TUSC3: variants seen among roughly 807,000 people sequenced by gnomAD.
TUSC3 encodes dolichyl-diphosphooligosaccharide--protein glycosyltransferase subunit TUSC3.
In TUSC3, 45 loss-of-function variants were observed where a neutral mutation model predicts 44.8. The ratio of observed to expected loss-of-function variants is 1.00; its 90% CI spans 0.79 to 1.29. The LOEUF (loss-of-function observed/expected upper bound fraction) is 1.29, where lower values mean the gene tolerates loss of function less well. TUSC3 is among the 50% of genes most tolerant of loss of function. TUSC3 has a pLI of 0.00. For missense variants in TUSC3, 519 were observed against 437.9 expected (o/e 1.19, Z -1.65); for synonymous variants, 212 against 152.9 (o/e 1.39, Z -2.85).
At chr8:15,423,586 C>T (rs1799764332) in intron 1 of TUSC3, among the ~76,000 whole-genome samples, 1 of 152,148 alleles carries the variant, frequency 6.6e-6, no homozygotes, top group African/African-American at 2.4e-5. Flanking sequence ...TTAATTCTTA[C>T]TCGATTTTTC....
At chr8:15,423,862 C>T (rs973552948) in intron 1 of TUSC3, among the ~76,000 whole-genome samples, 1 of 151,120 alleles carries the variant, frequency 6.6e-6, no homozygotes, top group African/African-American at 2.4e-5. Flanking sequence ...GTTTGTTTCT[C>T]TATTGAGAGA....
chr8:15,773,434 G>A, the TUSC3 span, among the ~76,000 whole-genome samples: 1 of 146,364 alleles, frequency 6.8e-6, no homozygotes, highest in Non-Finnish European at 1.6e-5. Flanking sequence ...AAACATTGCT[G>A]AAAGAAGTTA....
intron 1 of TUSC3, among the ~76,000 whole-genome samples, chr8:15,570,837 A>G (rs147655274): frequency 0.014 from 2,183 of 152,064 alleles, 17 homozygotes; most frequent in Non-Finnish European, 0.022. Flanking sequence ...GAGTGAATGC[A>G]TACCTCTGGG....
At chr8:15,604,045 A>T (rs1228348475) in intron 1 of TUSC3, among the ~76,000 whole-genome samples, 2 of 151,710 alleles carry the variant, frequency 1.3e-5, no homozygotes, top group African/African-American at 4.8e-5. Flanking sequence ...TATTAATATG[A>T]TGGGGTGCCC....
chr8:15,743,890 A>G (rs1363698171), intron 8 of TUSC3, among the ~76,000 whole-genome samples: 2 of 152,122 alleles, frequency 1.3e-5, no homozygotes, highest in African/African-American at 4.8e-5. Flanking sequence ...CTGAAGCCAT[A>G]GTCTTGGTTG....
At chr8:15,837,125 G>C in the TUSC3 span, among the ~76,000 whole-genome samples, 1 of 152,218 alleles carries the variant, frequency 6.6e-6, no homozygotes, top group Middle Eastern at 3.4e-3. Context: ...TGCTGGCAGT[G>C]TATGCTGTAG....
At chr8:15,499,013 CT>C (rs199873385) in intron 2 of TUSC3, among the ~76,000 whole-genome samples, 15 of 151,212 alleles carry the variant, frequency 9.9e-5, no homozygotes, top group African/African-American at 2.9e-4. Context: ...TTATTTTTTT[CT>C]TTTTTTTTCT....
In TUSC3 at chr8:15,754,779, T is replaced by C. The variant is rs1224385373; in HGVS notation, c.1029-3012T>C. Among the ~76,000 whole-genome samples, 3 of 137,532 alleles carry C rather than the reference T, an allele frequency of 2.2e-5. No homozygotes were observed. The East Asian group carries it at 6.3e-4, about 29-fold the overall frequency. 90.2% of individuals were successfully genotyped at this position (137,532 alleles called of 152,430 possible). A position where few individuals can be genotyped will look rare whatever the true frequency, so the allele number is the denominator to read the frequency against. ...TTTATGTACAGAACCGTGATCATAATTGTCTTTAAACTAATTTTTTTTACA... is the reference window on the plus strand; with the variant it reads ...TTTATGTACAGAACCGTGATCATAACTGTCTTTAAACTAATTTTTTTTACA... On this transcript the variant is annotated intron_variant, in intron 9 of 10. Transcript: ENST00000503731.
intron 1 of TUSC3, among the ~76,000 whole-genome samples, chr8:15,461,727 AG>A (rs1800348226): frequency 6.6e-6 from 1 of 151,802 alleles, no homozygotes; most frequent in Non-Finnish European, 1.5e-5. Flanking sequence ...AATTTTGCTA[AG>A]AGTTTTAATC....
rs111261509 is a variant in TUSC3, at chr8:15,764,382, A to G, written c.*226A>G. 3 of 686,458 alleles carry G rather than the reference A, an allele frequency of 4.4e-6. No individual in the cohort carries two copies. Among genetic ancestry groups the G allele is most frequent in the East Asian group, 3.0e-5 (1 of 32,962 alleles). The allele number at this position is 686,458 out of a possible 1,614,324, so 42.5% of individuals were successfully genotyped here. ...TAGTAAATTTAATTTACAGAAATCA[A>G]TGGTAGCATTTAGTAATCTACAAAG... On this transcript the variant is annotated 3_prime_UTR_variant, in exon 11 of 11. Transcript: ENST00000503731.
chr8:15,683,697 T>A (rs1808513189), intron 6 of TUSC3, among the ~76,000 whole-genome samples: 1 of 152,184 alleles, frequency 6.6e-6, no homozygotes, highest in Non-Finnish European at 1.5e-5. Context: ...CTTTGGATAT[T>A]ACAAAACACT....
rs529240315 is a variant in TUSC3, at chr8:15,445,952, T to C, written n.91+28647T>C. ...ACGGGGCGGCTGGCCGGACGGGGGC[T>C]GCCCCCCACCTCGCGGATGGGGCAG... On this transcript the variant is annotated intron_variant and non_coding_transcript_variant, in intron 1 of 5. Coordinates refer to the TUSC3 transcript ENST00000503191. Among the ~76,000 whole-genome samples, 310 of 145,836 alleles carry C rather than the reference T, an allele frequency of 2.1e-3. 1 individual carries two copies. Among genetic ancestry groups the C allele is most frequent in the African/African-American group, 7.6e-3 (294 of 38,884 alleles).
At chr8:15,680,823 C>T (rs935986065) in intron 6 of TUSC3, among the ~76,000 whole-genome samples, 2 of 152,056 alleles carry the variant, frequency 1.3e-5, no homozygotes, top group Non-Finnish European at 1.5e-5. Flanking sequence ...AAAGCTTTTT[C>T]TGTGCCTATT....
chr8:15,469,670 T>G (rs1274638593), intron 1 of TUSC3, among the ~76,000 whole-genome samples: 1 of 152,216 alleles, frequency 6.6e-6, no homozygotes, highest in Non-Finnish European at 1.5e-5. Context: ...AATTGAAAAC[T>G]TACGTCCATA....
chr8:15,673,401 A>C (rs1028094784), intron 5 of TUSC3, among the ~76,000 whole-genome samples: 1 of 152,044 alleles, frequency 6.6e-6, no homozygotes, highest in Non-Finnish European at 1.5e-5. Flanking sequence ...TTAAAATATC[A>C]CTAGAACATC....
rs1341080838 is a variant in TUSC3 at position 15,662,254 on chromosome 8, G to C, written c.666G>C (p.Leu222Phe). The change falls in exon 5 of 11, where the codon TTG becomes TTC. Residue 222 changes from leucine to phenylalanine, a missense_variant. Physicochemically the swap from Leu to Phe is conservative, Grantham distance 22 (BLOSUM62 0). Transcript: ENST00000503731. ...TGCTTTATTTGAGAAGGAACAACTT[G>C]GAGTTCATCTATAACAAGACTGGTT... is the stretch of plus-strand genomic sequence containing the variant. ...GGLLYLRRNN[L>F]EFIYNKTGWA... is the part of the protein sequence containing the mutation. 6.2e-7 allele frequency: 1 copy of C among 1,612,978 alleles called. No individual in the cohort carries two copies. Among genetic ancestry groups the C allele is most frequent in the Non-Finnish European group, 8.5e-7 (1 of 1,179,232 alleles).
intron 6 of TUSC3, among the ~76,000 whole-genome samples, chr8:15,704,040 A>T (rs1809512973): frequency 6.6e-6 from 1 of 152,128 alleles, no homozygotes. Context: ...GACAGTGAAA[A>T]AGCAAATATG....
At chr8:15,758,925 G>C (rs189157498) in intron 10 of TUSC3, among the ~76,000 whole-genome samples, 2 of 152,056 alleles carry the variant, frequency 1.3e-5, no homozygotes, top group African/African-American at 2.4e-5. Context: ...GATTTCTTTA[G>C]GCCTTTTTAG....
chr8:15,546,317 G>A (rs1245571116), intron 1 of TUSC3, among the ~76,000 whole-genome samples: 1 of 151,668 alleles, frequency 6.6e-6, no homozygotes, highest in Non-Finnish European at 1.5e-5. Flanking sequence ...TGGCACATCA[G>A]TTTTTATCTA....
Sources: gnomAD v4.1 joint callset for allele counts (sites outside exome capture counted in the v4.1 genomes callset) on GRCh38, gnomAD v4.1.1 for gene constraint, MANE v1.5 for transcripts, NCBI Gene and HGNC (gene_info 2026-07-23, HGNC 2026-07-21) for gene names.